FGF13: variants seen among roughly 807,000 people sequenced by gnomAD.
FGF13 encodes the protein fibroblast growth factor homologous factor 2.
FGF13 carries 2 observed loss-of-function variants against 19.5 expected under a neutral mutation model. The ratio of observed to expected loss-of-function variants is 0.10; its 90% CI spans 0.04 to 0.32. The LOEUF (loss-of-function observed/expected upper bound fraction) is 0.32, where lower values mean the gene tolerates loss of function less well. Ranked by LOEUF, FGF13 falls within the 10% of genes least tolerant of loss-of-function variation. The pLI, the probability that FGF13 is intolerant of heterozygous loss-of-function variation, is 1.00. For missense variants in FGF13, 113 were observed against 192.7 expected (o/e 0.59, Z 2.45); for synonymous variants, 72 against 76.9 (o/e 0.94, Z 0.33).
chrX:139,199,351 T>C (rs1196002271), intron 1 of FGF13, among the ~76,000 whole-genome samples: 1 of 111,908 alleles, frequency 8.9e-6, no homozygotes, highest in Non-Finnish European at 1.9e-5. Context: ...TGTCCATTCT[T>C]TTCAAATTTC....
chrX:138,863,117 C>G (rs2091298055), intron 2 of FGF13, among the ~76,000 whole-genome samples: 2 of 111,192 alleles, frequency 1.8e-5, no homozygotes, highest in African/African-American at 6.5e-5. Context: ...ACTAAAATGT[C>G]ACCTCCTCAG....
At chrX:139,172,200 T>C (rs752075516) in intron 1 of FGF13, among the ~76,000 whole-genome samples, 16 of 112,229 alleles carry the variant, frequency 1.4e-4, no homozygotes, top group Non-Finnish European at 2.6e-4. Flanking sequence ...TTTGAAATGA[T>C]GTTAAGATGT....
chrX:138,809,591 G>T (rs772203512), intron 3 of FGF13, among the ~76,000 whole-genome samples: 30 of 111,291 alleles, frequency 2.7e-4, no homozygotes, highest in South Asian at 1.5e-3. Flanking sequence ...TGAAGTTCTG[G>T]CCAGGGCAAT....
chrX:138,910,283 G>A lies in FGF13; in HGVS notation c.-112-45633C>T, dbSNP rs180987228. On this transcript the variant is annotated intron_variant, in intron 1 of 2. Transcript: ENST00000421460. Reference sequence around the variant, plus strand: ...CAGGTTGGTCATTTTTGATCACAAAGAGCAACCCATAAGATTGGCAAGATG... The same window carrying A: ...CAGGTTGGTCATTTTTGATCACAAAAAGCAACCCATAAGATTGGCAAGATG... 5.1e-3 allele frequency among the ~76,000 whole-genome samples: 569 copies of A among 110,997 alleles called. 3 individuals are homozygous for A. Among genetic ancestry groups the A allele is most frequent in the Non-Finnish European group, 8.0e-3 (425 of 53,068 alleles).
chrX:138,721,566 A>T (rs1173132799), intron 1 of FGF13, among the ~76,000 whole-genome samples: 1 of 110,868 alleles, frequency 9.0e-6, no homozygotes. Context: ...CATAAAACAT[A>T]GAAATAACGG....
At chrX:139,091,776 T>C (rs2083441230) in intron 1 of FGF13, among the ~76,000 whole-genome samples, 1 of 111,034 alleles carries the variant, frequency 9.0e-6, no homozygotes, top group African/African-American at 3.3e-5. Context: ...TCAGGGTGTG[T>C]TCAGCAAGAG....
intron 1 of FGF13, among the ~76,000 whole-genome samples, chrX:139,002,539 C>T (rs1443955283): frequency 9.0e-6 from 1 of 111,169 alleles, no homozygotes; most frequent in Non-Finnish European, 1.9e-5. Flanking sequence ...GAGACTCCAG[C>T]TGGGGAAGCT....
At chrX:138,894,736 A>T (rs960388082) in intron 1 of FGF13, among the ~76,000 whole-genome samples, 3 of 111,503 alleles carry the variant, frequency 2.7e-5, no homozygotes, top group African/African-American at 9.8e-5. Flanking sequence ...CAGAGGTACA[A>T]GGAGGAGCTG....
At position 138,838,508 on chromosome X, in the gene FGF13, C is replaced by A. The variant is rs992801553; in HGVS notation, c.217+19004G>T. Among the ~76,000 whole-genome samples the A allele has an allele frequency of 4.5e-5, 5 of 111,765 alleles. No homozygotes were observed. The Admixed American group carries it at 4.7e-4, about 11-fold the overall frequency. Reference sequence around the variant, plus strand: ...TTGTGGTTTCCCAGGGTCACACATTCACTCAACTGCTTCCTTGGGTGGGGG... The same window carrying A: ...TTGTGGTTTCCCAGGGTCACACATTAACTCAACTGCTTCCTTGGGTGGGGG... On this transcript the variant is annotated intron_variant, in intron 3 of 6. Coordinates refer to the FGF13 transcript ENST00000436198.
At chrX:138,715,442 AT>A, upstream of FGF13, among the ~76,000 whole-genome samples, 1 of 112,693 alleles carries the variant, frequency 8.9e-6, no homozygotes, top group East Asian at 2.8e-4. Context: ...TCAACAGTAG[AT>A]TTCATCTATT....
intron 1 of FGF13, among the ~76,000 whole-genome samples, chrX:139,049,347 C>G (rs1213428860): frequency 1.8e-5 from 2 of 111,332 alleles, no homozygotes; most frequent in African/African-American, 6.5e-5. Flanking sequence ...ACTGAGAGAT[C>G]TATCATACTG....
At chrX:139,107,477 G>C (rs143535283) in intron 1 of FGF13, among the ~76,000 whole-genome samples, 1,243 of 112,016 alleles carry the variant, frequency 0.011, 18 homozygotes, top group African/African-American at 0.039. Flanking sequence ...AAAAGAGAAG[G>C]ATCAGGTTAT....
intron 3 of FGF13, among the ~76,000 whole-genome samples, chrX:138,827,114 GA>G (rs760314240): frequency 2.8e-3 from 315 of 112,384 alleles, no homozygotes; most frequent in Non-Finnish European, 4.4e-3. Context: ...TCTAATGCTA[GA>G]AGAGTTTGTA....
chrX:139,168,106 A>G (rs2084100721), intron 1 of FGF13, among the ~76,000 whole-genome samples: 1 of 111,804 alleles, frequency 8.9e-6, no homozygotes, highest in Admixed American at 9.5e-5. Flanking sequence ...TCATGAACCC[A>G]GTGATTTTTC....
intron 1 of FGF13, among the ~76,000 whole-genome samples, chrX:138,953,855 T>A (rs1387350609): frequency 9.1e-6 from 1 of 109,875 alleles, no homozygotes; most frequent in Non-Finnish European, 1.9e-5. Context: ...TATATGAAAT[T>A]CTAAAAAAGA....
intron 1 of FGF13, among the ~76,000 whole-genome samples, chrX:138,905,029 C>T (rs1260366021): frequency 1.8e-5 from 2 of 111,675 alleles, no homozygotes; most frequent in African/African-American, 3.3e-5. Context: ...TATGACCAAA[C>T]CTGACGGAAA....
chrX:138,981,318 TAC>T (rs57954256), intron 1 of FGF13, among the ~76,000 whole-genome samples: 5,228 of 96,880 alleles, frequency 0.054, 187 homozygotes, highest in East Asian at 0.14. Context: ...ATTGTGTGCT[TAC>T]ACACACACAC....
intron 1 of FGF13, among the ~76,000 whole-genome samples, chrX:139,047,075 C>T (rs1412615940): frequency 8.9e-6 from 1 of 112,471 alleles, no homozygotes; most frequent in African/African-American, 3.2e-5. Context: ...GATCTGAGAG[C>T]CTTGCTGAGG....
At position 138,908,284 on chromosome X, in the gene FGF13, T is replaced by C. The variant is rs746913232; in HGVS notation, c.-112-43634A>G. ...TAGTAGAAACGGGGTTTCACCGTGT[T>C]AGCCAGGATGGTCTCGATCTCCTGA... On this transcript the variant is annotated intron_variant, in intron 1 of 2. Transcript: ENST00000421460. 2.0e-3 allele frequency among the ~76,000 whole-genome samples: 222 copies of C among 108,799 alleles called. 2 individuals carry two copies. The highest frequency in any genetic ancestry group is 7.6e-3 in the Admixed American group (77 of 10,170). The allele number at this position is 108,799 out of a possible 115,157, so 94.5% of individuals were successfully genotyped here. A position where few individuals can be genotyped will look rare whatever the true frequency, so the allele number is the denominator to read the frequency against.
Sources: allele counts gnomAD v4.1 joint callset (sites outside exome capture counted in the v4.1 genomes callset), GRCh38; gene constraint gnomAD v4.1.1; transcripts MANE v1.5; gene names NCBI Gene and HGNC (gene_info 2026-07-23, HGNC 2026-07-21).